CIB2: variants seen among roughly 807,000 people sequenced by gnomAD.
The protein encoded by CIB2 is calcium and integrin binding family member 2, also known as calcium and integrin-binding family member 2.
In CIB2, 19 loss-of-function variants were observed where a neutral mutation model predicts 23.1. The observed-to-expected ratio is 0.82, with a 90% CI of 0.57 to 1.21. CIB2 has a LOEUF of 1.21. CIB2 is among the 50% of genes most tolerant of loss of function. The pLI, the probability that CIB2 is intolerant of heterozygous loss-of-function variation, is 0.00. For missense variants in CIB2, 220 were observed against 241.5 expected (o/e 0.91, Z 0.59); for synonymous variants, 94 against 91.7 (o/e 1.03, Z -0.14).
intron 2 of CIB2, among the ~76,000 whole-genome samples, chr15:78,119,707 G>T (rs2074292501): frequency 1.3e-5 from 2 of 151,800 alleles, no homozygotes; most frequent in Admixed American, 1.3e-4. Flanking sequence ...TGAGTAGCTG[G>T]GACTACAGGA....
chr15:78,120,489 G>C (rs2074302612), intron 2 of CIB2: 1 of 946,068 alleles, frequency 1.1e-6, no homozygotes, highest in African/African-American at 1.8e-5. Flanking sequence ...TGTACCAAGG[G>C]GACAAGGACT....
intron 1 of CIB2, among the ~76,000 whole-genome samples, chr15:78,125,065 C>T (rs1266419918): frequency 6.6e-6 from 1 of 152,140 alleles, no homozygotes; most frequent in Non-Finnish European, 1.5e-5. Flanking sequence ...CTTGGAAACA[C>T]GAGGGGTTCT....
rs148709604 is a variant in CIB2, at chr15:78,110,871, ACAGGTCTGCCAACTACAG to A, written c.198+276_198+293del. 107,608 of 509,236 alleles carry A rather than the reference ACAGGTCTGCCAACTACAG, an allele frequency of 0.21. 12,251 individuals carry two copies. Among genetic ancestry groups the A allele is most frequent in the Non-Finnish European group, 0.26 (67,729 of 264,452 alleles). The allele number at this position is 509,236 out of a possible 1,614,324, so 31.5% of individuals were successfully genotyped here. On this transcript the variant is annotated intron_variant, in intron 3 of 5. Coordinates refer to ENST00000258930, the MANE Select transcript of CIB2 (RefSeq NM_006383.4). ...AGAAAAGTTATCTAACAAAGCAGAC[ACAGGTCTGCCAACTACAG>A]CAGGCTTGGGGCCACTTAACAAAGG...
At chr15:78,118,153 TC>T (rs1428829726) in intron 2 of CIB2, among the ~76,000 whole-genome samples, 5 of 152,282 alleles carry the variant, frequency 3.3e-5, no homozygotes, top group Middle Eastern at 3.4e-3. Context: ...TACAGTATAA[TC>T]CCATTTTTTT....
chr15:78,123,629 A>C, intron 2 of CIB2, 76 bp downstream of exon 2: 11 of 1,486,314 alleles, frequency 7.4e-6, no homozygotes, highest in Non-Finnish European at 1.0e-5. Flanking sequence ...GAGCACAGCC[A>C]GCCCATGTGG....
chr15:78,117,121 C>T (rs1043100745), intron 2 of CIB2, among the ~76,000 whole-genome samples: 7 of 151,068 alleles, frequency 4.6e-5, no homozygotes, highest in Admixed American at 6.6e-5. Flanking sequence ...GTAATGATGA[C>T]GATGATCTGT....
chr15:78,126,905 T>C (rs2074388878), intron 1 of CIB2, among the ~76,000 whole-genome samples: 1 of 152,176 alleles, frequency 6.6e-6, no homozygotes, highest in Non-Finnish European at 1.5e-5. Context: ...CAGGTGTTCT[T>C]AAAAGCTTCT....
At position 78,105,144 on chromosome 15, in the gene CIB2, C is replaced by A. The variant is rs1348761686; in HGVS notation, c.*167G>T. ...TGGGAAGGGTCCTAACCTTCACAGG[C>A]CCCCTTCCTGGTTAAGGTTTTTTTT... On this transcript the variant is annotated 3_prime_UTR_variant, in exon 6 of 6. Transcript: ENST00000258930. 1 of 930,152 alleles carries A rather than the reference C, an allele frequency of 1.1e-6. No individual in the cohort carries two copies. Among genetic ancestry groups the A allele is most frequent in the South Asian group, 1.6e-5 (1 of 61,028 alleles). The allele number at this position is 930,152 out of a possible 1,614,324, so 57.6% of individuals were successfully genotyped here.
intron 3 of CIB2, among the ~76,000 whole-genome samples, chr15:78,110,455 G>A (rs531651004): frequency 7.9e-5 from 12 of 152,348 alleles, no homozygotes; most frequent in African/African-American, 2.9e-4. Context: ...CCAAGTGGAT[G>A]CCATATAGCA....
rs1555426292 is a variant in CIB2 at position 78,113,536 on chromosome 15, C to CTTTCT, written c.87-2261_87-2260insAGAAA. ...ATGCATCTTCTTTCTTTCTTTCTTTCTTTTTTTTTTTTGAGACGGAGTCTC... is the reference window on the plus strand; with the variant it reads ...ATGCATCTTCTTTCTTTCTTTCTTTCTTTCTTTTTTTTTTTTTGAGACGGAGTCTC... On this transcript the variant is annotated intron_variant, in intron 2 of 5. Transcript: ENST00000258930. Among the ~76,000 whole-genome samples, 162 of 145,056 alleles carry CTTTCT rather than the reference C, an allele frequency of 1.1e-3. 1 individual carries two copies. The highest frequency in any genetic ancestry group is 3.8e-3 in the African/African-American group (152 of 39,660).
intron 1 of CIB2, among the ~76,000 whole-genome samples, chr15:78,127,090 A>G (rs2074391325): frequency 6.6e-6 from 1 of 152,208 alleles, no homozygotes; most frequent in Non-Finnish European, 1.5e-5. Context: ...AGCAAATGAG[A>G]TAAGGTACAG....
Position 78,109,680 on chromosome 15 carries a change from C to T in CIB2, c.199-298G>A, listed in dbSNP as rs78583731. Among the ~76,000 whole-genome samples the T allele has an allele frequency of 0.026, 3,990 of 151,778 alleles. 175 individuals are homozygous for T. Among genetic ancestry groups the T allele is most frequent in the African/African-American group, 0.092 (3,820 of 41,312 alleles). The stretch of plus-strand genomic sequence containing the variant: ...GGGCACAGCCAGGGACAGTGGTGCA[C>T]GCCTGTAGTCCCGCTATTTGGGAGA... On this transcript the variant is annotated intron_variant, in intron 3 of 5. Transcript: ENST00000258930.
chr15:78,105,041 A>G lies in CIB2; in HGVS notation c.*270T>C. On this transcript the variant is annotated 3_prime_UTR_variant, in exon 6 of 6. Transcript: ENST00000258930. ...GGTGGGGAGCATTTCTGGAGTAGGA[A>G]AGGACTGGGGCATGGGGCGGGGTGC... is the stretch of plus-strand genomic sequence containing the variant. 2.1e-6 allele frequency: 1 copy of G among 479,930 alleles called. No individual in the cohort carries two copies. The highest frequency in any genetic ancestry group is 3.8e-6 in the Non-Finnish European group (1 of 262,374). The allele number at this position is 479,930 out of a possible 1,614,324, so 29.7% of individuals were successfully genotyped here. A position where few individuals can be genotyped will look rare whatever the true frequency, so the allele number is the denominator to read the frequency against.
intron 4 of CIB2, among the ~76,000 whole-genome samples, chr15:78,107,570 C>T (rs2074090200): frequency 6.6e-6 from 1 of 152,182 alleles, no homozygotes; most frequent in African/African-American, 2.4e-5. Context: ...CCCTGGCTGC[C>T]TCTCCCCACT....
chr15:78,129,089 C>T (rs567317083), intron 1 of CIB2, among the ~76,000 whole-genome samples: 17 of 152,156 alleles, frequency 1.1e-4, no homozygotes, highest in African/African-American at 2.9e-4. Context: ...TCACCGGCAC[C>T]GGGAACCAAG....
At chr15:78,121,493 A>G (rs537667183) in intron 2 of CIB2, among the ~76,000 whole-genome samples, 1 of 152,210 alleles carries the variant, frequency 6.6e-6, no homozygotes, top group East Asian at 1.9e-4. Context: ...CTCATCTTGA[A>G]TTGTAGTTCC....
At chr15:78,120,794 G>A in intron 2 of CIB2, 1 of 957,528 alleles carries the variant, frequency 1.0e-6, no homozygotes, top group South Asian at 4.8e-5. Context: ...TTTCCTCCTA[G>A]CCATCTGGTC....
intron 2 of CIB2, among the ~76,000 whole-genome samples, chr15:78,114,235 T>A (rs1394805150): frequency 6.6e-6 from 1 of 152,170 alleles, no homozygotes; most frequent in African/African-American, 2.4e-5. Context: ...TGAGGAGGTA[T>A]CCTCTGGGGT....
rs1261939343 is a variant in CIB2, at chr15:78,109,821, A to AAAAAG, written c.199-440_199-439insCTTTT. On this transcript the variant is annotated intron_variant, in intron 3 of 5. Transcript: ENST00000258930. The stretch of plus-strand genomic sequence containing the variant: ...GACCATGTCTCCAAAAAAAAAAAAA[A>AAAAAG]AAAAAAATGCTGAGCACAGCCAGTG... Among the ~76,000 whole-genome samples the AAAAAG allele has an allele frequency of 2.2e-4, 34 of 151,906 alleles. 1 individual carries two copies. The highest frequency in any genetic ancestry group is 8.0e-4 in the African/African-American group (33 of 41,444).
Sources: gnomAD v4.1 joint callset for allele counts (sites outside exome capture counted in the v4.1 genomes callset) on GRCh38, gnomAD v4.1.1 for gene constraint, MANE v1.5 for transcripts, NCBI Gene and HGNC (gene_info 2026-07-23, HGNC 2026-07-21) for gene names.